Variants in CTNND2 observed in about 807,000 individuals in gnomAD.
CTNND2 encodes catenin delta-2.
Under a neutral mutation model 144.4 loss-of-function variants are expected in CTNND2, and 22 were observed. The ratio of observed to expected loss-of-function variants is 0.15; its 90% CI spans 0.11 to 0.22. The LOEUF is 0.22. CTNND2 is among the 10% of genes least tolerant of loss of function. CTNND2 has a pLI of 1.00. For missense variants in CTNND2, 1,353 were observed against 1,618.8 expected, an observed-to-expected ratio of 0.84 and a Z score of 2.82; for synonymous variants, 751 against 695.6, an observed-to-expected ratio of 1.08 and a Z score of -1.25.
intron 9 of CTNND2, among the ~76,000 whole-genome samples, chr5:11,315,979 C>T (rs910697916): frequency 3.3e-5 from 5 of 152,116 alleles, no homozygotes; most frequent in African/African-American, 4.8e-5. Context: ...GATTAAAATG[C>T]CTGTTGAGAC....
chr5:11,308,867 A>G (rs1224071441), intron 9 of CTNND2, among the ~76,000 whole-genome samples: 1 of 152,202 alleles, frequency 6.6e-6, no homozygotes, highest in Non-Finnish European at 1.5e-5. Context: ...CACAGAGTAT[A>G]CAGAAAGCAT....
chr5:11,380,524 A>G (rs566355885), intron 7 of CTNND2, among the ~76,000 whole-genome samples: 1 of 152,356 alleles, frequency 6.6e-6, no homozygotes, highest in African/African-American at 2.4e-5. Flanking sequence ...CCCAAGGCAG[A>G]GTTGGCTTTC....
intron 2 of CTNND2, among the ~76,000 whole-genome samples, chr5:11,686,859 A>G (rs747067064): frequency 4.0e-5 from 6 of 148,384 alleles, no homozygotes; most frequent in Non-Finnish European, 7.4e-5. Context: ...CTATAAACAT[A>G]TATACATACT....
intron 1 of CTNND2, among the ~76,000 whole-genome samples, chr5:11,812,029 T>C (rs1372886089): frequency 6.6e-6 from 1 of 152,330 alleles, no homozygotes; most frequent in Admixed American, 6.5e-5. Context: ...AACATGGTAA[T>C]GTAGCCATCA....
intron 9 of CTNND2, among the ~76,000 whole-genome samples, chr5:11,281,416 AT>A (rs1167018041): frequency 4.6e-5 from 7 of 152,254 alleles, no homozygotes; most frequent in South Asian, 2.1e-4. Context: ...AGGAAATAGA[AT>A]TTCATGAAGC....
intron 2 of CTNND2, among the ~76,000 whole-genome samples, chr5:11,718,742 C>T (rs955612059): frequency 2.6e-5 from 4 of 152,112 alleles, no homozygotes; most frequent in South Asian, 2.1e-4. Flanking sequence ...CTCTCTCCAG[C>T]GGATTTATAG....
At chr5:11,214,967 C>T (rs1739020770) in intron 10 of CTNND2, among the ~76,000 whole-genome samples, 1 of 152,220 alleles carries the variant, frequency 6.6e-6, no homozygotes. Flanking sequence ...TCATTTTCCG[C>T]TTCCATCCTC....
chr5:11,617,487 C>T (rs1415627604), intron 2 of CTNND2, among the ~76,000 whole-genome samples: 2 of 152,202 alleles, frequency 1.3e-5, no homozygotes, highest in Non-Finnish European at 2.9e-5. Flanking sequence ...ACTATGTATA[C>T]TATAACAGGT....
chr5:11,767,336 G>A (rs1448605463), intron 1 of CTNND2, among the ~76,000 whole-genome samples: 5 of 152,178 alleles, frequency 3.3e-5, no homozygotes, highest in Admixed American at 1.3e-4. Flanking sequence ...AGGCCATGTG[G>A]TGGCAGGTGT....
intron 1 of CTNND2, among the ~76,000 whole-genome samples, chr5:11,833,852 G>A (rs1794035677): frequency 1.3e-5 from 2 of 152,126 alleles, no homozygotes; most frequent in Non-Finnish European, 2.9e-5. Context: ...CCTTTTGGCT[G>A]CAGTCACATG....
chr5:11,208,797 AC>A (rs1738317557), intron 10 of CTNND2, among the ~76,000 whole-genome samples: 1 of 152,198 alleles, frequency 6.6e-6, no homozygotes, highest in South Asian at 2.1e-4. Context: ...CACATTATAA[AC>A]AAACTTAAAG....
chr5:11,032,793 A>G (rs1040728635), intron 16 of CTNND2, among the ~76,000 whole-genome samples: 1 of 152,262 alleles, frequency 6.6e-6, no homozygotes, highest in Non-Finnish European at 1.5e-5. Context: ...CTTATATAAC[A>G]TTCTTGAAAT....
intron 3 of CTNND2, among the ~76,000 whole-genome samples, chr5:11,461,316 G>A (rs561769150): frequency 3.3e-4 from 51 of 152,258 alleles, no homozygotes; most frequent in African/African-American, 1.2e-3. Flanking sequence ...AGAATGCCGA[G>A]AGAACACAGT....
At chr5:11,549,119 G>C (rs1469279365) in intron 3 of CTNND2, among the ~76,000 whole-genome samples, 2 of 152,142 alleles carry the variant, frequency 1.3e-5, no homozygotes, top group East Asian at 1.9e-4. Context: ...GGGTTAGCTT[G>C]ATATATGTCT....
intron 1 of CTNND2, among the ~76,000 whole-genome samples, chr5:11,798,672 C>T (rs2126882661): frequency 6.6e-6 from 1 of 151,992 alleles, no homozygotes; most frequent in East Asian, 2.0e-4. Context: ...GACGCTGAGG[C>T]AGGAGAATCA....
At chr5:11,483,322 T>C (rs562455219) in intron 3 of CTNND2, among the ~76,000 whole-genome samples, 2 of 152,106 alleles carry the variant, frequency 1.3e-5, no homozygotes, top group Admixed American at 1.3e-4. Context: ...GGATTGGCGG[T>C]GGGTGAGGTT....
chr5:11,056,751 G>A (rs990411626), intron 16 of CTNND2, among the ~76,000 whole-genome samples: 7 of 152,190 alleles, frequency 4.6e-5, no homozygotes, highest in East Asian at 1.9e-4. Context: ...GAATGGAAAG[G>A]GCAGTGCCAT....
Position 10,999,948 on chromosome 5 carries a change from T to C in CTNND2, c.3085-7271A>G, listed in dbSNP as rs375277608. Among the ~76,000 whole-genome samples the C allele has an allele frequency of 5.9e-5, 9 of 152,204 alleles. 1 individual carries two copies. The highest frequency in any genetic ancestry group is 5.8e-4 in the East Asian group (3 of 5,178). The stretch of plus-strand genomic sequence containing the variant: ...TCCAATGTGCACGACAATCGGGCGA[T>C]GTTCATCCCCACAGCCCCACTACCA... On this transcript the variant is annotated intron_variant, in intron 18 of 21. Coordinates refer to ENST00000304623, the MANE Select transcript of CTNND2 (RefSeq NM_001332.4).
At chr5:11,128,913 A>G (rs1340449695) in intron 12 of CTNND2, among the ~76,000 whole-genome samples, 1 of 59,260 alleles carries the variant, frequency 1.7e-5, no homozygotes, top group South Asian at 4.1e-4. Flanking sequence ...ATAAATATAT[A>G]TAATATATAA....
Sources: allele counts gnomAD v4.1 joint callset (sites outside exome capture counted in the v4.1 genomes callset), GRCh38; gene constraint gnomAD v4.1.1; transcripts MANE v1.5; gene names NCBI Gene and HGNC (gene_info 2026-07-23, HGNC 2026-07-21).